MAP3K1: variants seen among roughly 807,000 people sequenced by gnomAD.
The protein encoded by MAP3K1 is mitogen-activated protein kinase kinase kinase 1, also known as MAP/ERK kinase kinase 1.
A neutral mutation model predicts 144.2 loss-of-function variants in MAP3K1; 36 were observed. The ratio of observed to expected loss-of-function variants is 0.25; its 90% CI spans 0.19 to 0.33. The LOEUF (loss-of-function observed/expected upper bound fraction) is 0.33. Among genes scored for constraint, MAP3K1 ranks in the 10% least tolerant of loss-of-function variants. MAP3K1 has a pLI of 1.00. For synonymous variants in MAP3K1, 718 were observed against 688.7 expected, an observed-to-expected ratio of 1.04 and a Z score of -0.67; for missense variants, 1,650 against 1,881.9, an observed-to-expected ratio of 0.88 and a Z score of 2.28.
At chr5:56,864,467 C>T (rs2111889440) in intron 3 of MAP3K1, among the ~76,000 whole-genome samples, 1 of 151,890 alleles carries the variant, frequency 6.6e-6, no homozygotes, top group East Asian at 1.9e-4. Flanking sequence ...AACCTCCATC[C>T]CAGGTTCAAG....
At chr5:56,851,226 A>T (rs33331) in intron 1 of MAP3K1, among the ~76,000 whole-genome samples, 32 of 152,134 alleles carry the variant, frequency 2.1e-4, no homozygotes, top group Non-Finnish European at 2.8e-4. Flanking sequence ...GATTACAGGC[A>T]TGAGCCACCG....
At chr5:56,819,295 G>A (rs537527177) in intron 1 of MAP3K1, among the ~76,000 whole-genome samples, 1 of 152,270 alleles carries the variant, frequency 6.6e-6, no homozygotes, top group South Asian at 2.1e-4. Flanking sequence ...ACAGGAAGTA[G>A]CCCTGTTCAT....
intron 3 of MAP3K1, among the ~76,000 whole-genome samples, chr5:56,863,821 A>G (rs1747592446): frequency 6.6e-6 from 1 of 152,214 alleles, no homozygotes; most frequent in East Asian, 1.9e-4. Flanking sequence ...TTAGGGATCC[A>G]AAAAACTGGA....
At chr5:56,870,244 T>C (rs1747811878) in intron 6 of MAP3K1, among the ~76,000 whole-genome samples, 1 of 152,224 alleles carries the variant, frequency 6.6e-6, no homozygotes, top group African/African-American at 2.4e-5. Flanking sequence ...ATAGATGTTG[T>C]AAGTTTATGG....
Position 56,880,759 on chromosome 5 carries a change from C to T in MAP3K1, c.2136C>T (p.Gly712=), listed in dbSNP as rs1483835073. The change falls in exon 12 of 20, where the codon GGC becomes GGT. Residue 712 remains glycine (G), a synonymous_variant. Coordinates refer to ENST00000399503, the MANE Select transcript of MAP3K1 (RefSeq NM_005921.2). Reference sequence around the variant, plus strand: ...CAACACTGTTGGAACTGTGCAAAGGCCAAGCAGGAGAGTTGGCAGTTGGCA... The same window carrying T: ...CAACACTGTTGGAACTGTGCAAAGGTCAAGCAGGAGAGTTGGCAGTTGGCA... ...SISTLLELCK[G]QAGELAVGRE... 6.2e-7 allele frequency: 1 copy of T among 1,613,722 alleles called. No homozygotes were observed. The highest frequency in any genetic ancestry group is 1.7e-5 in the Admixed American group (1 of 59,986).
At chr5:56,865,064 A>ATT in intron 4 of MAP3K1, 130 bp downstream of exon 4, 1 of 899,390 alleles carries the variant, frequency 1.1e-6, no homozygotes, top group Non-Finnish European at 1.7e-6. Context: ...CTTAAAATGT[A>ATT]TTTTAGGCTA....
At chr5:56,819,920 A>G (rs942596744) in intron 1 of MAP3K1, among the ~76,000 whole-genome samples, 5 of 152,220 alleles carry the variant, frequency 3.3e-5, no homozygotes, top group Admixed American at 6.5e-5. Flanking sequence ...AGTTGTCTTT[A>G]AGAAATTATT....
At chr5:56,845,552 G>A (rs1366139999) in intron 1 of MAP3K1, among the ~76,000 whole-genome samples, 2 of 152,180 alleles carry the variant, frequency 1.3e-5, no homozygotes, top group East Asian at 3.8e-4. Flanking sequence ...TTATGCATCA[G>A]TTGTCTTGTA....
intron 1 of MAP3K1, among the ~76,000 whole-genome samples, chr5:56,844,539 C>G (rs1746932218): frequency 6.6e-6 from 1 of 152,084 alleles, no homozygotes. Flanking sequence ...CCTTCACCAA[C>G]TCTCTCTTCC....
At chr5:56,879,134 T>C (rs1310474831) in intron 11 of MAP3K1, 33 bp downstream of exon 11, 1 of 1,613,366 alleles carries the variant, frequency 6.2e-7, no homozygotes, top group Non-Finnish European at 8.5e-7. Flanking sequence ...CTTCAAACCC[T>C]CTTGTCTTAA....
In MAP3K1 at chr5:56,820,370, A is replaced by G. The variant is rs917785420; in HGVS notation, c.482+4315A>G. The G allele has an allele frequency of 1.7e-5, 16 of 934,676 alleles. No homozygotes were observed. The African/African-American group carries it at 2.7e-4, about 16-fold the overall frequency. The allele number at this position is 934,676 out of a possible 1,614,324, so 57.9% of individuals were successfully genotyped here. On this transcript the variant is annotated intron_variant, in intron 1 of 19. Coordinates refer to ENST00000399503, the MANE Select transcript of MAP3K1 (RefSeq NM_005921.2). ...TCTTCCATTTTCTTTTTTCAAATTAATAATCAAATTAATTGATTATTTTTA... is the reference window on the plus strand; with the variant it reads ...TCTTCCATTTTCTTTTTTCAAATTAGTAATCAAATTAATTGATTATTTTTA...
intron 1 of MAP3K1, among the ~76,000 whole-genome samples, chr5:56,826,235 A>T (rs949051496): frequency 6.6e-6 from 1 of 152,154 alleles, no homozygotes; most frequent in Non-Finnish European, 1.5e-5. Context: ...TTGGTATTCC[A>T]CTAAAAAATA....
intron 2 of MAP3K1, among the ~76,000 whole-genome samples, chr5:56,857,071 T>G (rs1747365313): frequency 6.6e-6 from 1 of 152,184 alleles, no homozygotes; most frequent in Non-Finnish European, 1.5e-5. Context: ...TTTTTCCAGT[T>G]TATTTTAGAT....
intron 3 of MAP3K1, among the ~76,000 whole-genome samples, chr5:56,861,744 CAAAG>C (rs573839774): frequency 1.0e-3 from 156 of 152,106 alleles, no homozygotes; most frequent in African/African-American, 3.6e-3. Context: ...AGCTAAACAT[CAAAG>C]AAATTTGCAA....
chr5:56,833,999 G>C (rs1206773345), intron 1 of MAP3K1, among the ~76,000 whole-genome samples: 1 of 152,072 alleles, frequency 6.6e-6, no homozygotes, highest in Non-Finnish European at 1.5e-5. Flanking sequence ...TAATCTTCCT[G>C]ACCCCTATGC....
At chr5:56,827,188 A>G (rs1746342657) in intron 1 of MAP3K1, among the ~76,000 whole-genome samples, 1 of 150,870 alleles carries the variant, frequency 6.6e-6, no homozygotes, top group African/African-American at 2.5e-5. Context: ...TCCAGGGACC[A>G]AGCTGGGACA....
intron 15 of MAP3K1, 82 bp downstream of exon 15, chr5:56,883,761 C>A: frequency 7.2e-7 from 1 of 1,390,520 alleles, no homozygotes; most frequent in Non-Finnish European, 1.0e-6. Flanking sequence ...AAGGATATGT[C>A]CACGTGTGTG....
Position 56,861,590 on chromosome 5 carries a change from A to AAGG in MAP3K1, c.834+1675_834+1676insAGG, listed in dbSNP as rs1554033753. The stretch of plus-strand genomic sequence containing the variant: ...TCCTAAAAAAAAAAAAAAAAAAAAA[A>AAGG]GGGGCTATTAAAATACTCCTTCCTT... On this transcript the variant is annotated intron_variant, in intron 3 of 19. Transcript: ENST00000399503. 5.7e-3 allele frequency among the ~76,000 whole-genome samples: 762 copies of AAGG among 134,552 alleles called. 11 individuals carry two copies. Among genetic ancestry groups the AAGG allele is most frequent in the African/African-American group, 0.022 (721 of 33,386 alleles). The allele number at this position is 134,552 out of a possible 152,430, so 88.3% of individuals were successfully genotyped here. A position where few individuals can be genotyped will look rare whatever the true frequency, so the allele number is the denominator to read the frequency against.
At position 56,881,585 on chromosome 5, in the gene MAP3K1, G is replaced by C. The variant is rs746156758; in HGVS notation, c.2385G>C (p.Leu795=). 6.2e-7 allele frequency: 1 copy of C among 1,612,742 alleles called. No homozygotes were observed. Among genetic ancestry groups the C allele is most frequent in the Non-Finnish European group, 8.5e-7 (1 of 1,179,048 alleles). The change falls in exon 14 of 20, where the codon CTG becomes CTC. Residue 795 remains leucine (L), a synonymous_variant. Coordinates refer to ENST00000399503, the MANE Select transcript of MAP3K1 (RefSeq NM_005921.2). ...EPVEIRYKKL[L]SLLTFALQSI... ...TTTCTTTCAGGTATAAGAAGCTGCT[G>C]TCCCTCTTAACCTTTGCTTTGCAGT... is the stretch of plus-strand genomic sequence containing the variant.
Sources: allele counts gnomAD v4.1 joint callset (sites outside exome capture counted in the v4.1 genomes callset), GRCh38; gene constraint gnomAD v4.1.1; transcripts MANE v1.5; gene names NCBI Gene and HGNC (gene_info 2026-07-23, HGNC 2026-07-21).